Variants in CAPN12 observed in about 807,000 individuals in gnomAD.
CAPN12 encodes the protein calpain-12.
A neutral mutation model predicts 95.0 loss-of-function variants in CAPN12; 107 were observed. The ratio of observed to expected loss-of-function variants is 1.13; its 90% CI spans 0.96 to 1.32. The LOEUF (loss-of-function observed/expected upper bound fraction) is 1.32, where lower values mean the gene tolerates loss of function less well. Ranked by LOEUF, CAPN12 falls within the 40% of genes most tolerant of loss-of-function variation. The pLI, the probability that CAPN12 is intolerant of heterozygous loss-of-function variation, is 0.00. For missense variants in CAPN12, 1,136 were observed against 997.8 expected (o/e 1.14, Z -1.87); for synonymous variants, 505 against 415.5 (o/e 1.22, Z -2.62).
In CAPN12 at chr19:38,733,615, G is replaced by A. The variant is rs550352822; in HGVS notation, c.1957+88C>T. Reference sequence around the variant, plus strand: ...GCCTGTGGATGGCCACAGTGCAGACGGCCACAGCTGAGCAGGGGGACTTGG... The same window carrying A: ...GCCTGTGGATGGCCACAGTGCAGACAGCCACAGCTGAGCAGGGGGACTTGG... On this transcript the variant is annotated intron_variant, in intron 18 of 20. Coordinates refer to ENST00000328867, the MANE Select transcript of CAPN12 (RefSeq NM_144691.4). 13 of 1,218,862 alleles carry A rather than the reference G, an allele frequency of 1.1e-5. No homozygotes were observed. In the Admixed American group the frequency reaches 1.9e-4, roughly 18 times the overall value. The allele number at this position is 1,218,862 out of a possible 1,614,324, so 75.5% of individuals were successfully genotyped here. A position where few individuals can be genotyped will look rare whatever the true frequency, so the allele number is the denominator to read the frequency against.
chr19:38,737,601 C>T lies in CAPN12; in HGVS notation c.1003G>A (p.Val335Met), dbSNP rs374179618. 36 of 1,610,648 alleles carry T rather than the reference C, an allele frequency of 2.2e-5. No homozygotes were observed. The highest frequency in any genetic ancestry group is 1.6e-4 in the Middle Eastern group (1 of 6,070). ...LRDFLLHFDT[V>M]QICSLSPEVL... Reference sequence around the variant, plus strand: ...TCCGGGCTCAGCGAGCAGATCTGCACGGTGTCGAAATGGAGGAGGAAGTCC... The same window carrying T: ...TCCGGGCTCAGCGAGCAGATCTGCATGGTGTCGAAATGGAGGAGGAAGTCC... The change falls in exon 9 of 21, where the codon GTG (valine) becomes ATG (methionine). Residue 335 changes from valine (V) to methionine (M), a missense_variant. Physicochemically the swap from Val to Met is conservative, Grantham distance 21 (BLOSUM62 1). Transcript: ENST00000328867.
At chr19:38,736,527 C>T (rs1970171902) in intron 11 of CAPN12, 25 bp downstream of exon 11, 1 of 1,528,664 alleles carries the variant, frequency 6.5e-7, no homozygotes, top group Non-Finnish European at 8.8e-7. Context: ...AGCCCCAGGG[C>T]CGGTTGACCC....
chr19:38,742,365 C>T (rs995478409), intron 3 of CAPN12, 45 bp downstream of exon 3: 3 of 1,325,832 alleles, frequency 2.3e-6, no homozygotes, highest in Non-Finnish European at 3.3e-6. Context: ...ATCACCAAGT[C>T]ACCATGGGGG....
At chr19:38,739,803 T>C (rs1970442512) in intron 5 of CAPN12, 2 of 372,020 alleles carry the variant, frequency 5.4e-6, no homozygotes, top group Admixed American at 4.4e-5. Context: ...AGAGCCTGGC[T>C]GAGAGTGACA....
rs1183522426 is a variant in CAPN12 at position 38,740,146 on chromosome 19, C to G, written c.634G>C (p.Gly212Arg). The G allele has an allele frequency of 6.2e-7, 1 of 1,613,510 alleles. No homozygotes were observed. The highest frequency in any genetic ancestry group is 8.5e-7 in the Non-Finnish European group (1 of 1,179,834). ...EAFVDFTGGV[G>R]EVLYLRQNSM... Reference sequence around the variant, plus strand: ...TTTTGTCTCAGATAGAGCACCTCGCCCACGCCGCCTGTGAAATCCACAAAA... The same window carrying G: ...TTTTGTCTCAGATAGAGCACCTCGCGCACGCCGCCTGTGAAATCCACAAAA... Residue 212 changes from glycine to arginine, a missense_variant, in exon 5 of 21, where the codon GGC becomes CGC. Gly to Arg is a moderately radical substitution (Grantham distance 125). Transcript: ENST00000328867.
At chr19:38,735,594 G>C in intron 12 of CAPN12, 50 bp from the exon 13 acceptor site, 1 of 1,589,370 alleles carries the variant, frequency 6.3e-7, no homozygotes, top group Non-Finnish European at 8.6e-7. Context: ...CCCCAGCTGG[G>C]GCTGTGTGGG....
At position 38,737,538 on chromosome 19, in the gene CAPN12, C is replaced by T. The variant is rs768452542; in HGVS notation, c.1066G>A (p.Val356Ile). The T allele has an allele frequency of 1.5e-5, 24 of 1,612,378 alleles. No homozygotes were observed. Among genetic ancestry groups the T allele is most frequent in the East Asian group, 8.9e-5 (4 of 44,872 alleles). Residue 356 changes from valine to isoleucine, a missense_variant, in exon 9 of 21, where the codon GTC becomes ATC. Transcript: ENST00000328867. ...GPSPEGGGWH[V>I]HTFQGRWVRG... ...ACCCAGCGGCCTTGGAAGGTGTGGA[C>T]GTGCCAGCCGCCCCCCTCCGGGCTG...
chr19:38,730,824 GAGC>G lies in CAPN12; in HGVS notation c.*25_*27del. The stretch of plus-strand genomic sequence containing the variant: ...TGGTCTTGCTCAGCAACCCTGCCCT[GAGC>G]AGCAGGTGCGCCCATCCGGAGATCC... On this transcript the variant is annotated 3_prime_UTR_variant, in exon 21 of 21. Coordinates refer to ENST00000328867, the MANE Select transcript of CAPN12 (RefSeq NM_144691.4). 6.4e-7 allele frequency: 1 copy of G among 1,550,510 alleles called. No individual in the cohort carries two copies. Among genetic ancestry groups the G allele is most frequent in the Non-Finnish European group, 8.7e-7 (1 of 1,147,034 alleles).
At position 38,736,319 on chromosome 19, in the gene CAPN12, C is replaced by CTGGGGACGGGGCGGCA; in HGVS notation, c.1375-17_1375-2dup. The CTGGGGACGGGGCGGCA allele has an allele frequency of 6.9e-7, 1 of 1,446,614 alleles. No individual in the cohort carries two copies. Among genetic ancestry groups the CTGGGGACGGGGCGGCA allele is most frequent in the Admixed American group, 2.7e-5 (1 of 36,866 alleles). 89.6% of individuals were successfully genotyped at this position (1,446,614 alleles called of 1,614,324 possible). A position where few individuals can be genotyped will look rare whatever the true frequency, so the allele number is the denominator to read the frequency against. ...GCGGGGAATCCCAGAGGCCCAGCAG[C>CTGGGGACGGGGCGGCA]TGGGGACGGGGCGGCATGACCACGG... On this transcript the variant is annotated splice_acceptor_variant, in intron 11 of 20. Coordinates refer to ENST00000328867, the MANE Select transcript of CAPN12 (RefSeq NM_144691.4). LOFTEE classifies it high-confidence loss of function.
At chr19:38,742,055 G>A (rs1277225673) in intron 3 of CAPN12, 145 bp from the exon 4 acceptor site, 1 of 1,239,120 alleles carries the variant, frequency 8.1e-7, no homozygotes, top group Non-Finnish European at 1.1e-6. Flanking sequence ...GCCGGGTGCG[G>A]TGGCTCACAT....
rs201246710 is a variant in CAPN12 at position 38,744,056 on chromosome 19, G to T, written c.110C>A (p.Ala37Glu). ...FRGQSYEAIR[A>E]ACLDSGILFR... ...CAGGATCCCCGAATCCAGGCAGGCT[G>T]CCCGAATTGCCTCATAGCTCTGGCC... Residue 37 changes from alanine to glutamate, a missense_variant, in exon 1 of 21, where the codon GCA becomes GAA. Coordinates refer to ENST00000328867, the MANE Select transcript of CAPN12 (RefSeq NM_144691.4). The T allele has an allele frequency of 3.8e-5, 62 of 1,614,224 alleles. No homozygotes were observed. Among genetic ancestry groups the T allele is most frequent in the Non-Finnish European group, 5.3e-5 (62 of 1,180,036 alleles).
chr19:38,736,156 C>T lies in CAPN12; in HGVS notation c.1537G>A (p.Ala513Thr). 1 of 1,514,960 alleles carries T rather than the reference C, an allele frequency of 6.6e-7. No homozygotes were observed. The allele number at this position is 1,514,960 out of a possible 1,614,324, so 93.8% of individuals were successfully genotyped here. Residue 513 changes from alanine (A) to threonine (T), a missense_variant, in exon 12 of 21, where the codon GCT (alanine) becomes ACT (threonine). Ala to Thr is a moderately conservative substitution (Grantham distance 58, BLOSUM62 0). Coordinates refer to ENST00000328867, the MANE Select transcript of CAPN12 (RefSeq NM_144691.4). ...VPSTAHAGDE[A>T]DFTLRVFSER... ...GAGAAGACACGCAGAGTGAAGTCAG[C>T]CTCGTCGCCGGCGTGGGCGGTGCTC... is the stretch of plus-strand genomic sequence containing the variant.
rs913943601 is a variant in CAPN12 at position 38,744,435 on chromosome 19, G to A, written c.-270C>T. On this transcript the variant is annotated 5_prime_UTR_variant, in exon 1 of 21. Transcript: ENST00000328867. ...GAGAAGGCGGGCAGAGCTGAGGGAGGACCGGCTGCCGCTGTCAGAGCACCA... is the reference window on the plus strand; with the variant it reads ...GAGAAGGCGGGCAGAGCTGAGGGAGAACCGGCTGCCGCTGTCAGAGCACCA... The A allele has an allele frequency of 9.3e-6, 5 of 539,476 alleles. No homozygotes were observed. Among genetic ancestry groups the A allele is most frequent in the Non-Finnish European group, 1.7e-5 (5 of 298,976 alleles). 33.4% of individuals were successfully genotyped at this position (539,476 alleles called of 1,614,324 possible). A position where few individuals can be genotyped will look rare whatever the true frequency, so the allele number is the denominator to read the frequency against.
Position 38,741,846 on chromosome 19 carries a change from T to C in CAPN12, c.491A>G (p.Lys164Arg), listed in dbSNP as rs763765709. 10 of 1,613,946 alleles carry C rather than the reference T, an allele frequency of 6.2e-6. No homozygotes were observed. Among genetic ancestry groups the C allele is most frequent in the Non-Finnish European group, 6.8e-6 (8 of 1,180,028 alleles). ...VDDRLPVREG[K>R]LMFVRSEQRN... ...CTGTTCCGAGCGCACGAACATCAGC[T>C]TCCCCTCACGCACGGGCAGCCTGTC... Residue 164 changes from lysine to arginine, a missense_variant, in exon 4 of 21, where the codon AAG (lysine) becomes AGG (arginine). Lys to Arg is a conservative substitution (Grantham distance 26, BLOSUM62 2). Coordinates refer to ENST00000328867, the MANE Select transcript of CAPN12 (RefSeq NM_144691.4).
At position 38,730,988 on chromosome 19, in the gene CAPN12, C is replaced by T. The variant is rs1208130274; in HGVS notation, c.2110G>A (p.Val704Ile). 9.7e-6 allele frequency: 15 copies of T among 1,551,326 alleles called. No individual in the cohort carries two copies. The highest frequency in any genetic ancestry group is 1.2e-5 in the Non-Finnish European group (14 of 1,147,428). The change falls in exon 20 of 21, where the codon GTC becomes ATC. Residue 704 changes from valine to isoleucine, a missense_variant. By Grantham distance (29) the Val-to-Ile change is conservative. Coordinates refer to ENST00000328867, the MANE Select transcript of CAPN12 (RefSeq NM_144691.4). ...CSQHLDGGEGVICLTHRQWME... is the reference protein window; with the variant it reads ...CSQHLDGGEGIICLTHRQWME... ...ACCTGTCTGTGGGTCAGGCAGATGA[C>T]CCCCTCACCCCCATCCAGGTGCTGG...
chr19:38,741,610 G>T (rs528175228), intron 4 of CAPN12, among the ~76,000 whole-genome samples, 167 bp downstream of exon 4: 2 of 151,880 alleles, frequency 1.3e-5, no homozygotes, highest in East Asian at 3.9e-4. Flanking sequence ...ACATGAAGTT[G>T]CTCAGGTGAT....
At position 38,737,396 on chromosome 19, in the gene CAPN12, A is replaced by T; in HGVS notation, c.1130-8T>A. The stretch of plus-strand genomic sequence containing the variant: ...GATTGGTCCAGAAGGTTTCTAAGGG[A>T]GGAGGAAAAAAGGGGGTTTCCTAGC... On this transcript the variant is annotated splice_polypyrimidine_tract_variant and splice_region_variant and intron_variant, in intron 9 of 20. Coordinates refer to ENST00000328867, the MANE Select transcript of CAPN12 (RefSeq NM_144691.4). 6.2e-7 allele frequency: 1 copy of T among 1,608,326 alleles called. No individual in the cohort carries two copies. Among genetic ancestry groups the T allele is most frequent in the South Asian group, 1.1e-5 (1 of 90,798 alleles).
chr19:38,736,657 CCCT>C, intron 10 of CAPN12, 94 bp from the exon 11 acceptor site: 1 of 1,344,750 alleles, frequency 7.4e-7, no homozygotes, highest in Non-Finnish European at 1.0e-6. Context: ...TGTGCTCTCT[CCCT>C]CCTTCTTCGT....
intron 3 of CAPN12, 61 bp from the exon 4 acceptor site, chr19:38,741,971 G>A (rs1970573353): frequency 2.5e-6 from 4 of 1,587,142 alleles, no homozygotes; most frequent in Non-Finnish European, 3.4e-6. Flanking sequence ...CCTGGGCCCT[G>A]CCTCTGCTGT....
Sources: allele counts gnomAD v4.1 joint callset (sites outside exome capture counted in the v4.1 genomes callset), GRCh38; gene constraint gnomAD v4.1.1; transcripts MANE v1.5; gene names NCBI Gene and HGNC (gene_info 2026-07-23, HGNC 2026-07-21).